Variants in EVI5 observed in about 807,000 individuals in gnomAD.
EVI5 encodes ecotropic viral integration site 5, also known as ecotropic viral integration site 5 protein homolog.
In EVI5, 73 loss-of-function variants were observed where a neutral mutation model predicts 112.0. That is an observed-to-expected ratio of 0.65 (90% CI 0.54 to 0.79). EVI5 has a LOEUF of 0.79. EVI5 is among the 30% of genes least tolerant of loss of function. The probability of loss-of-function intolerance (pLI) is 0.00; values close to 1 mark genes in which losing one functional copy is unlikely to be tolerated. For missense variants in EVI5, 900 were observed against 968.8 expected, an observed-to-expected ratio of 0.93 and a Z score of 0.94; for synonymous variants, 305 against 319.9, an observed-to-expected ratio of 0.95 and a Z score of 0.50.
intron 12 of EVI5, 87 bp downstream of exon 12, chr1:92,663,333 C>T (rs967099091): frequency 1.8e-5 from 10 of 565,536 alleles, no homozygotes; most frequent in South Asian, 6.4e-5. Context: ...AAATTGCATG[C>T]ATTAAAATAT....
intron 19 of EVI5, among the ~76,000 whole-genome samples, chr1:92,563,085 G>A (rs1668880369): frequency 6.6e-6 from 1 of 152,062 alleles, no homozygotes; most frequent in Non-Finnish European, 1.5e-5. Context: ...AAATTACTCA[G>A]TATAGTACTT....
At chr1:92,560,692 G>A (rs1668388208) in intron 19 of EVI5, among the ~76,000 whole-genome samples, 1 of 152,006 alleles carries the variant, frequency 6.6e-6, no homozygotes, top group South Asian at 2.1e-4. Flanking sequence ...CACTGGAGTG[G>A]CTGGGGCCAC....
chr1:92,636,264 TCA>T lies in EVI5; in HGVS notation c.1463_1464del (p.Leu488GlnfsTer2). 6.2e-7 allele frequency: 1 copy of T among 1,613,824 alleles called. No individual in the cohort carries two copies. ...AATGCACACTGAGACTCAGCTTCACTCAGTCGGGCTTGGACCAATTCCTTCTC... is the reference window on the plus strand; with the variant it reads ...AATGCACACTGAGACTCAGCTTCACTGTCGGGCTTGGACCAATTCCTTCTC... ...QLEKELVQAR[L>X]SEAESQCALK... On this transcript the variant is annotated frameshift_variant, in exon 14 of 20. Transcript: ENST00000684568. LOFTEE classifies it high-confidence loss of function.
At chr1:92,689,451 C>T (rs570935462) in intron 9 of EVI5, among the ~76,000 whole-genome samples, 4 of 152,178 alleles carry the variant, frequency 2.6e-5, no homozygotes, top group South Asian at 4.2e-4. Context: ...CAGCCAGGAC[C>T]GCCCAGGCTC....
intron 9 of EVI5, among the ~76,000 whole-genome samples, chr1:92,681,001 T>G (rs987732677): frequency 6.6e-6 from 1 of 152,104 alleles, no homozygotes; most frequent in Non-Finnish European, 1.5e-5. Flanking sequence ...GTGGGGGAGA[T>G]AGTTATACAG....
chr1:92,656,200 T>A (rs1662968922), intron 13 of EVI5, among the ~76,000 whole-genome samples: 1 of 152,188 alleles, frequency 6.6e-6, no homozygotes, highest in African/African-American at 2.4e-5. Context: ...TCAAGTCTCT[T>A]CTTGGACCAC....
intron 6 of EVI5, 111 bp downstream of exon 6, chr1:92,697,747 TAC>T (rs1484606405): frequency 1.2e-6 from 1 of 850,020 alleles, no homozygotes; most frequent in Non-Finnish European, 1.8e-6. Flanking sequence ...TTAAAACACT[TAC>T]TTCTTCAAGT....
At chr1:92,660,907 C>T (rs1220013338) in intron 13 of EVI5, among the ~76,000 whole-genome samples, 2 of 151,844 alleles carry the variant, frequency 1.3e-5, no homozygotes, top group Non-Finnish European at 2.9e-5. Context: ...AAGCTACATA[C>T]CTACATTTGA....
intron 13 of EVI5, among the ~76,000 whole-genome samples, chr1:92,662,487 A>G (rs1664192347): frequency 6.6e-6 from 1 of 152,214 alleles, no homozygotes; most frequent in Non-Finnish European, 1.5e-5. Context: ...AGGAAAGAAA[A>G]TATTACCTAT....
At chr1:92,585,221 T>TA (rs143919420) in intron 18 of EVI5, among the ~76,000 whole-genome samples, 85,081 of 126,692 alleles carry the variant, frequency 0.67, 25,548 homozygotes, top group East Asian at 0.92. Flanking sequence ...AGACTCCATC[T>TA]CAAAAAAAAA....
chr1:92,561,913 T>C (rs780419033), intron 19 of EVI5, among the ~76,000 whole-genome samples: 27 of 152,114 alleles, frequency 1.8e-4, no homozygotes, highest in Non-Finnish European at 2.5e-4. Flanking sequence ...GCTGGGATTA[T>C]AGGCGTGCGC....
intron 1 of EVI5, 56 bp downstream of exon 1, chr1:92,784,780 G>C (rs948808030): frequency 6.1e-6 from 6 of 976,734 alleles, no homozygotes; most frequent in African/African-American, 3.5e-5. Context: ...AGCGGAACAC[G>C]GACTCACCGC....
chr1:92,662,291 G>A (rs1295234211), intron 13 of EVI5, among the ~76,000 whole-genome samples: 1 of 152,152 alleles, frequency 6.6e-6, no homozygotes, highest in Non-Finnish European at 1.5e-5. Flanking sequence ...AGCTTTAAAT[G>A]AGATAACTGC....
chr1:92,734,098 T>C (rs1185148389), intron 2 of EVI5, among the ~76,000 whole-genome samples: 1 of 152,212 alleles, frequency 6.6e-6, no homozygotes, highest in East Asian at 1.9e-4. Flanking sequence ...CATCATGATG[T>C]ATAAATTGAT....
At position 92,624,318 on chromosome 1, in the gene EVI5, G is replaced by T. The variant is rs2101776758; in HGVS notation, c.1685C>A (p.Thr562Asn). The T allele has an allele frequency of 6.2e-7, 1 of 1,613,372 alleles. No individual in the cohort carries two copies. Among genetic ancestry groups the T allele is most frequent in the African/African-American group, 1.3e-5 (1 of 74,952 alleles). The part of the protein sequence containing the change: ...EEHWQRHLAR[T>N]TGRWKDPPKK... ...GGGTGGGTCTTTCCATCTCCCAGTAGTACGAGCTAAGTGGCGCTAAAGCAT... is the reference window on the plus strand; with the variant it reads ...GGGTGGGTCTTTCCATCTCCCAGTATTACGAGCTAAGTGGCGCTAAAGCAT... The change falls in exon 16 of 20, where the codon ACT (threonine) becomes AAT (asparagine). Residue 562 changes from threonine to asparagine, a missense_variant. Transcript: ENST00000684568.
chr1:92,547,037 G>A (rs963053108), intron 19 of EVI5, among the ~76,000 whole-genome samples: 1 of 152,176 alleles, frequency 6.6e-6, no homozygotes, highest in Non-Finnish European at 1.5e-5. Flanking sequence ...CAAATCAACA[G>A]AATATACATT....
At chr1:92,560,785 G>A (rs768784299) in intron 19 of EVI5, among the ~76,000 whole-genome samples, 5 of 151,592 alleles carry the variant, frequency 3.3e-5, no homozygotes, top group Admixed American at 6.6e-5. Context: ...GGCTGGTCTC[G>A]AACTCCTGGG....
rs372694994 is a variant in EVI5, at chr1:92,767,637, C to T, written c.-82+17199G>A. Among the ~76,000 whole-genome samples the T allele has an allele frequency of 2.6e-5, 4 of 152,362 alleles. No homozygotes were observed. The South Asian group carries it at 8.3e-4, about 32-fold the overall frequency. ...ATAATTTTTTAAAGGTCTTCAGCAT[C>T]TCACCAGGTAAAGCACCATGTTCTA... On this transcript the variant is annotated intron_variant, in intron 1 of 19. Coordinates refer to ENST00000684568, the MANE Select transcript of EVI5 (RefSeq NM_001350197.2).
intron 10 of EVI5, 25 bp downstream of exon 10, chr1:92,677,133 C>G (rs1044313899): frequency 6.7e-7 from 1 of 1,482,774 alleles, no homozygotes; most frequent in Non-Finnish European, 9.3e-7. Context: ...TCAATCAGTA[C>G]TTTAAAAAGC....
Sources: allele counts gnomAD v4.1 joint callset (sites outside exome capture counted in the v4.1 genomes callset), GRCh38; gene constraint gnomAD v4.1.1; transcripts MANE v1.5; gene names NCBI Gene and HGNC (gene_info 2026-07-23, HGNC 2026-07-21).